The following MCF2L2 variants were observed in gnomAD, a reference collection of about 807,000 sequenced individuals.
MCF2L2 encodes the protein MCF.2 cell line derived transforming sequence-like 2, also known as probable guanine nucleotide exchange factor MCF2L2.
Under a neutral mutation model 150.2 loss-of-function variants are expected in MCF2L2, and 102 were observed. That is an observed-to-expected ratio of 0.68 (90% CI 0.58 to 0.80). The LOEUF (loss-of-function observed/expected upper bound fraction) is 0.80. Ranked by LOEUF, MCF2L2 falls within the 30% of genes least tolerant of loss-of-function variation. The pLI, the probability that MCF2L2 is intolerant of heterozygous loss-of-function variation, is 0.00. For missense variants in MCF2L2, 1,256 were observed against 1,372.8 expected (o/e 0.91, Z 1.34); for synonymous variants, 465 against 491.3 (o/e 0.95, Z 0.71).
chr3:183,261,465 A>G (rs1725576046), intron 15 of MCF2L2, among the ~76,000 whole-genome samples: 1 of 152,210 alleles, frequency 6.6e-6, no homozygotes, highest in Non-Finnish European at 1.5e-5. Flanking sequence ...AAGTAATAAA[A>G]GTTTAAATGT....
intron 25 of MCF2L2, among the ~76,000 whole-genome samples, chr3:183,204,588 A>T (rs1560339677): frequency 6.6e-6 from 1 of 152,196 alleles, no homozygotes; most frequent in Non-Finnish European, 1.5e-5. Context: ...ACTGTTTTGA[A>T]AGATGATTTG....
chr3:183,252,980 G>A (rs1445233686), intron 15 of MCF2L2, among the ~76,000 whole-genome samples: 2 of 152,322 alleles, frequency 1.3e-5, no homozygotes, highest in South Asian at 4.1e-4. Context: ...TCTAAAGGAG[G>A]AAAATAGCTC....
chr3:183,397,284 G>A (rs1203450294), intron 1 of MCF2L2, among the ~76,000 whole-genome samples: 3 of 152,212 alleles, frequency 2.0e-5, no homozygotes, highest in African/African-American at 7.2e-5. Flanking sequence ...AGCAGGTTCC[G>A]TGTCTGGCAA....
rs367659818 is a variant in MCF2L2 at position 183,207,851 on chromosome 3, A to T, written c.2497-28T>A. ...TTTGGAAACACACATACAGGAAAAG[A>T]AGCTGTAAAATTACTTGACAGAGAA... is the stretch of plus-strand genomic sequence containing the variant. On this transcript the variant is annotated intron_variant, in intron 22 of 29. Coordinates refer to ENST00000328913, the MANE Select transcript of MCF2L2 (RefSeq NM_015078.4). 6.9e-5 allele frequency: 107 copies of T among 1,555,434 alleles called. No individual in the cohort carries two copies. The African/African-American group carries it at 1.4e-3, about 20-fold the overall frequency.
intron 14 of MCF2L2, among the ~76,000 whole-genome samples, chr3:183,278,520 T>C (rs1727295549): frequency 6.6e-6 from 1 of 152,220 alleles, no homozygotes; most frequent in Non-Finnish European, 1.5e-5. Flanking sequence ...GAATGTTACA[T>C]TGTATCCTTT....
intron 1 of MCF2L2, among the ~76,000 whole-genome samples, chr3:183,410,704 T>C (rs1715278556): frequency 6.6e-6 from 1 of 152,236 alleles, no homozygotes; most frequent in African/African-American, 2.4e-5. Flanking sequence ...TATTTTACAT[T>C]CTTAATGATT....
Position 183,379,192 on chromosome 3 carries a change from G to C in MCF2L2, c.275+105C>G, listed in dbSNP as rs939963522. The C allele has an allele frequency of 1.5e-5, 11 of 741,548 alleles. No individual in the cohort carries two copies. The Admixed American group carries it at 2.3e-4, about 16-fold the overall frequency. The allele number at this position is 741,548 out of a possible 1,614,324, so 45.9% of individuals were successfully genotyped here. ...CCAGCTGGGTTATTATGCATACCAG[G>C]GTACACCATGCTCATGGAAGTATAT... On this transcript the variant is annotated intron_variant, in intron 3 of 29. Transcript: ENST00000328913.
intron 5 of MCF2L2, among the ~76,000 whole-genome samples, chr3:183,330,046 G>A (rs75652915): frequency 0.033 from 4,959 of 151,732 alleles, 286 homozygotes; most frequent in African/African-American, 0.11. Flanking sequence ...GCCAGCATGG[G>A]CAATACAAGG....
Position 183,337,552 on chromosome 3 carries a change from C to CAAAAAA in MCF2L2, c.486+1242_486+1247dup, listed in dbSNP as rs61184812. ...TGGGCACCAGAGCAAGACTCCATCT[C>CAAAAAA]AAAAAAAAAAAAAAAAAAGAAGAAA... On this transcript the variant is annotated intron_variant, in intron 5 of 29. Coordinates refer to ENST00000328913, the MANE Select transcript of MCF2L2 (RefSeq NM_015078.4). Among the ~76,000 whole-genome samples the CAAAAAA allele has an allele frequency of 1.2e-3, 89 of 71,842 alleles. 1 individual carries two copies. Among genetic ancestry groups the CAAAAAA allele is most frequent in the African/African-American group, 3.5e-3 (77 of 22,180 alleles). The allele number at this position is 71,842 out of a possible 152,430, so 47.1% of individuals were successfully genotyped here. A position where few individuals can be genotyped will look rare whatever the true frequency, so the allele number is the denominator to read the frequency against.
At chr3:183,427,335 A>G (rs2108639527) in intron 1 of MCF2L2, among the ~76,000 whole-genome samples, 2 of 152,300 alleles carry the variant, frequency 1.3e-5, no homozygotes, top group Admixed American at 1.3e-4. Flanking sequence ...AAAATTGCTC[A>G]GTCTCCTTGG....
chr3:183,403,422 G>A (rs948928568), intron 1 of MCF2L2, among the ~76,000 whole-genome samples: 3 of 152,352 alleles, frequency 2.0e-5, no homozygotes. Context: ...GGGAAGAGTA[G>A]AAAGCAATTC....
chr3:183,290,350 C>G (rs1395438972), intron 13 of MCF2L2, among the ~76,000 whole-genome samples: 1 of 152,184 alleles, frequency 6.6e-6, no homozygotes, highest in East Asian at 1.9e-4. Context: ...GAGGAGAAGG[C>G]CTCAAGGCTT....
chr3:183,283,991 T>C lies in MCF2L2; in HGVS notation c.1776+5129A>G, dbSNP rs1393587055. Among the ~76,000 whole-genome samples, 1 of 152,176 alleles carries C rather than the reference T, an allele frequency of 6.6e-6. No homozygotes were observed. Among genetic ancestry groups the C allele is most frequent in the African/African-American group, 2.4e-5 (1 of 41,440 alleles). On this transcript the variant is annotated intron_variant, in intron 14 of 29. Transcript: ENST00000328913. This position sits in a 1 kb window ranked among gnomAD's most constrained non-coding sequence, Gnocchi z 4.2. ...AAATATGTTGTTTCCCCCATGAAAG[T>C]TTCAAGTTTCCTGAGTTTAGGCCTG...
intron 6 of MCF2L2, among the ~76,000 whole-genome samples, chr3:183,319,736 G>A (rs1055948395): frequency 3.9e-5 from 6 of 152,178 alleles, no homozygotes; most frequent in Non-Finnish European, 5.9e-5. Flanking sequence ...ATTTTGAAAG[G>A]ATCTTTTTGT....
At chr3:183,294,315 CTGTTATTATTA>C (rs1452531932) in intron 13 of MCF2L2, among the ~76,000 whole-genome samples, 2 of 151,670 alleles carry the variant, frequency 1.3e-5, no homozygotes, top group African/African-American at 2.4e-5. Context: ...CTATTTTATG[CTGTTATTATTA>C]TGTTATTATT....
At chr3:183,326,229 T>C (rs2108524293) in intron 5 of MCF2L2, among the ~76,000 whole-genome samples, 1 of 152,240 alleles carries the variant, frequency 6.6e-6, no homozygotes, top group African/African-American at 2.4e-5. Context: ...CAGTGACTCA[T>C]GCCTGTAATC....
intron 15 of MCF2L2, among the ~76,000 whole-genome samples, chr3:183,269,229 G>GGTTTTTTTTTTTTTTTTTTTTT (rs1305607255): frequency 1.3e-5 from 1 of 77,022 alleles, no homozygotes; most frequent in African/African-American, 1.1e-4. Flanking sequence ...CGTTTGGGAA[G>GGTTTTTTTTTTTTTTTTTTTTT]CTTTTTTTTT....
intron 15 of MCF2L2, among the ~76,000 whole-genome samples, chr3:183,262,108 A>G (rs1725651638): frequency 6.7e-6 from 1 of 149,330 alleles, no homozygotes. Flanking sequence ...CATAATACTA[A>G]TACAAGGATT....
chr3:183,281,860 G>A (rs1005278991), intron 14 of MCF2L2, among the ~76,000 whole-genome samples: 1 of 150,344 alleles, frequency 6.7e-6, no homozygotes, highest in Non-Finnish European at 1.5e-5. Flanking sequence ...GATCCTAAAT[G>A]CAATTTTGCC....
Sources: gnomAD v4.1 joint callset for allele counts (sites outside exome capture counted in the v4.1 genomes callset) on GRCh38, gnomAD v4.1.1 for gene constraint, Gnocchi (gnomAD v3.1) non-coding constraint, MANE v1.5 for transcripts, NCBI Gene and HGNC (gene_info 2026-07-23, HGNC 2026-07-21) for gene names.